The following KDM4B variants were observed in gnomAD, a reference collection of about 807,000 sequenced individuals.
The protein encoded by KDM4B is lysine-specific demethylase 4B.
Under a neutral mutation model 125.2 loss-of-function variants are expected in KDM4B, and 32 were observed. The observed-to-expected ratio is 0.26, with a 90% CI of 0.19 to 0.34. KDM4B has a LOEUF of 0.34. Ranked by LOEUF, KDM4B falls within the 10% of genes least tolerant of loss-of-function variation. The pLI is 1.00. For missense variants in KDM4B, 1,190 were observed against 1,577.7 expected, an observed-to-expected ratio of 0.75 and a Z score of 4.16; for synonymous variants, 721 against 677.9, an observed-to-expected ratio of 1.06 and a Z score of -0.99.
rs1286497577 is a variant in KDM4B at position 5,115,603 on chromosome 19, T to C, written c.1116-4050T>C. Reference sequence around the variant, plus strand: ...ATCAACGGCCAGGGGACCCGACACATTGGAGGCTGCGCTCCCATGACAAAG... The same window carrying C: ...ATCAACGGCCAGGGGACCCGACACACTGGAGGCTGCGCTCCCATGACAAAG... On this transcript the variant is annotated intron_variant, in intron 10 of 22. Coordinates refer to ENST00000159111, the MANE Select transcript of KDM4B (RefSeq NM_015015.3). This position sits in a 1 kb window ranked among gnomAD's most constrained non-coding sequence, Gnocchi z 4.2. Among the ~76,000 whole-genome samples the C allele has an allele frequency of 2.6e-5, 4 of 152,188 alleles. No homozygotes were observed. In the East Asian group the frequency reaches 5.8e-4, roughly 22 times the overall value.
intron 1 of KDM4B, among the ~76,000 whole-genome samples, chr19:5,002,231 C>T (rs1427553620): frequency 2.6e-5 from 4 of 152,222 alleles, no homozygotes; most frequent in Non-Finnish European, 5.9e-5. Context: ...ATCCTGACCT[C>T]AGGTGATTCA....
intron 1 of KDM4B, among the ~76,000 whole-genome samples, chr19:5,012,684 G>A (rs1026492319): frequency 7.2e-5 from 11 of 152,236 alleles, no homozygotes; most frequent in African/African-American, 2.4e-4. Context: ...CGCGGTGGAG[G>A]CTGTTGGGAG....
rs756397144 is a variant in KDM4B, at chr19:5,131,223, C to T, written c.1463C>T (p.Pro488Leu). The change falls in exon 12 of 23, where the codon CCG (proline) becomes CTG (leucine). Residue 488 changes from proline to leucine, a missense_variant. Physicochemically the swap from Pro to Leu is moderately conservative, Grantham distance 98. Around this residue, in one of 7 missense-constraint regions of KDM4B, gnomAD observed 428 missense variants for 405.1 expected, o/e 1.06. Coordinates refer to ENST00000159111, the MANE Select transcript of KDM4B (RefSeq NM_015015.3). ...ALWLPSPLEP[P>L]VLGPGPAAME... is the part of the protein sequence containing the mutation. Reference sequence around the variant, plus strand: ...TGGCTGCCATCCCCACTGGAGCCCCCGGTGCTGGGCCCAGGCCCTGCAGCC... The same window carrying T: ...TGGCTGCCATCCCCACTGGAGCCCCTGGTGCTGGGCCCAGGCCCTGCAGCC... 67 of 1,605,990 alleles carry T rather than the reference C, an allele frequency of 4.2e-5. No homozygotes were observed. Among genetic ancestry groups the T allele is most frequent in the Admixed American group, 1.3e-4 (8 of 59,278 alleles).
chr19:5,001,637 A>G (rs1391988989), intron 1 of KDM4B, among the ~76,000 whole-genome samples: 3 of 150,866 alleles, frequency 2.0e-5, no homozygotes. Flanking sequence ...GTGCAGACAT[A>G]TTTTGTTAGC....
intron 12 of KDM4B, 32 bp downstream of exon 12, chr19:5,131,577 G>A (rs530697888): frequency 1.3e-6 from 1 of 773,202 alleles, no homozygotes; most frequent in East Asian, 3.1e-5. Context: ...AGGGAGGAGG[G>A]GGGCAGGTGG....
At chr19:5,032,101 T>C in intron 2 of KDM4B, among the ~76,000 whole-genome samples, 1 of 152,150 alleles carries the variant, frequency 6.6e-6, no homozygotes. Context: ...GGCTACCAGT[T>C]CCCACCCTGC....
chr19:5,050,792 C>G (rs1029567163), intron 6 of KDM4B, among the ~76,000 whole-genome samples: 1 of 152,128 alleles, frequency 6.6e-6, no homozygotes, highest in Non-Finnish European at 1.5e-5. Context: ...CCCAGCTACT[C>G]GGGAGGCTGA....
chr19:5,025,639 C>T (rs567411417), intron 2 of KDM4B, among the ~76,000 whole-genome samples: 4 of 152,310 alleles, frequency 2.6e-5, no homozygotes, highest in South Asian at 2.1e-4. Context: ...GGTCTAGCCT[C>T]GATCCTGCCG....
intron 3 of KDM4B, among the ~76,000 whole-genome samples, chr19:5,034,687 G>A (rs2036563060): frequency 6.6e-6 from 1 of 152,174 alleles, no homozygotes; most frequent in African/African-American, 2.4e-5. Context: ...CCTGGTTTTG[G>A]TGGATTTTGT....
At position 5,014,466 on chromosome 19, in the gene KDM4B, C is replaced by T. The variant is rs111562837; in HGVS notation, c.-108-1791C>T. Reference sequence around the variant, plus strand: ...TAATTTTTTGTATTTTTAGTAGAGACGGGGTTTCACTGTGTTAGCCAGGAT... The same window carrying T: ...TAATTTTTTGTATTTTTAGTAGAGATGGGGTTTCACTGTGTTAGCCAGGAT... On this transcript the variant is annotated intron_variant, in intron 1 of 22. Transcript: ENST00000159111. 1.8e-3 allele frequency among the ~76,000 whole-genome samples: 267 copies of T among 152,118 alleles called. 4 individuals are homozygous for T. Among genetic ancestry groups the T allele is most frequent in the African/African-American group, 6.1e-3 (255 of 41,528 alleles).
At chr19:5,026,224 T>C (rs1368071937) in intron 2 of KDM4B, among the ~76,000 whole-genome samples, 1 of 146,526 alleles carries the variant, frequency 6.8e-6, no homozygotes, top group Non-Finnish European at 1.5e-5. Flanking sequence ...CCCAGCTTCC[T>C]CTGCGGTCCC....
chr19:5,105,564 C>G (rs2039019124), intron 9 of KDM4B, among the ~76,000 whole-genome samples: 1 of 152,198 alleles, frequency 6.6e-6, no homozygotes, highest in South Asian at 2.1e-4. Flanking sequence ...TCCCAAGTAG[C>G]TAAGACAGTA....
chr19:5,058,739 T>C (rs964157598), intron 6 of KDM4B, among the ~76,000 whole-genome samples: 1 of 152,190 alleles, frequency 6.6e-6, no homozygotes, highest in East Asian at 1.9e-4. Flanking sequence ...TGGAGTCTTT[T>C]GTTCAAAGCG....
chr19:5,040,125 C>G, intron 4 of KDM4B, 114 bp downstream of exon 4: 3 of 1,189,192 alleles, frequency 2.5e-6, no homozygotes, highest in Non-Finnish European at 2.3e-6. Context: ...CATGGCCGGC[C>G]TGCTCTGTGT....
rs1477642556 is a variant in KDM4B, at chr19:5,138,268, G to A, written c.2550+198G>A. Reference sequence around the variant, plus strand: ...TTTTGAATCCTTCCCCGAGGTGCAAGGTACAAAAATCAGAAGGCATCAAGG... The same window carrying A: ...TTTTGAATCCTTCCCCGAGGTGCAAAGTACAAAAATCAGAAGGCATCAAGG... On this transcript the variant is annotated intron_variant, in intron 18 of 22. Transcript: ENST00000159111. 4 of 583,138 alleles carry A rather than the reference G, an allele frequency of 6.9e-6. No homozygotes were observed. In the African/African-American group the frequency reaches 7.5e-5, roughly 11 times the overall value. 36.1% of individuals were successfully genotyped at this position (583,138 alleles called of 1,614,324 possible).
At chr19:5,099,652 A>G (rs2038894127) in intron 9 of KDM4B, among the ~76,000 whole-genome samples, 1 of 152,216 alleles carries the variant, frequency 6.6e-6, no homozygotes, top group Non-Finnish European at 1.5e-5. Flanking sequence ...TGAGAAAGGA[A>G]CACAGGCAGT....
chr19:5,000,863 G>A (rs2035362299), intron 1 of KDM4B, among the ~76,000 whole-genome samples: 1 of 152,074 alleles, frequency 6.6e-6, no homozygotes, highest in African/African-American at 2.4e-5. Context: ...TAGAACATTA[G>A]CATGGTTCCA....
chr19:5,131,094 T>C lies in KDM4B; in HGVS notation c.1334T>C (p.Leu445Pro), dbSNP rs749130240. Reference protein sequence around the residue: ...EGAEEDGRGKLRPTKAKSERK... With the variant: ...EGAEEDGRGKPRPTKAKSERK... ...CCCACAGAGGACGGGAGGGGCAAGCTGCGGCCAACCAAGGCCAAGAGCGAG... is the reference window on the plus strand; with the variant it reads ...CCCACAGAGGACGGGAGGGGCAAGCCGCGGCCAACCAAGGCCAAGAGCGAG... The change falls in exon 12 of 23, where the codon CTG (leucine) becomes CCG (proline). Residue 445 changes from leucine (L) to proline (P), a missense_variant. Physicochemically the swap from Leu to Pro is moderately conservative, Grantham distance 98 (BLOSUM62 -3). This residue lies in a region of KDM4B where 428 missense variants were observed against 405.1 expected (regional missense o/e 1.06). Transcript: ENST00000159111. The C allele has an allele frequency of 7.3e-6, 11 of 1,513,126 alleles. No individual in the cohort carries two copies. In the Admixed American group the frequency reaches 2.2e-4, roughly 31 times the overall value. The allele number at this position is 1,513,126 out of a possible 1,614,324, so 93.7% of individuals were successfully genotyped here.
At position 5,039,861 on chromosome 19, in the gene KDM4B, C is replaced by T. The variant is rs1383961665; in HGVS notation, c.167C>T (p.Pro56Leu). 1 of 1,612,722 alleles carries T rather than the reference C, an allele frequency of 6.2e-7. No individual in the cohort carries two copies. The highest frequency in any genetic ancestry group is 8.5e-7 in the Non-Finnish European group (1 of 1,179,792). Residue 56 changes from proline to leucine, a missense_variant, in exon 4 of 23, where the codon CCG becomes CTG. Coordinates refer to ENST00000159111, the MANE Select transcript of KDM4B (RefSeq NM_015015.3). ...AKIIPPKEWK[P>L]RQTYDDIDDV... ...ATCATCCCCCCGAAGGAGTGGAAGC[C>T]GCGGCAGACGTATGATGACATCGAC...
Sources: allele counts gnomAD v4.1 joint callset (sites outside exome capture counted in the v4.1 genomes callset), GRCh38; gene constraint gnomAD v4.1.1; regional missense constraint gnomAD v4.1.1; non-coding constraint Gnocchi (gnomAD v3.1); transcripts MANE v1.5; gene names NCBI Gene and HGNC (gene_info 2026-07-23, HGNC 2026-07-21).